KCNT2: variants seen among roughly 807,000 people sequenced by gnomAD.
KCNT2 encodes the protein potassium sodium-activated channel subfamily T member 2.
KCNT2 carries 67 observed loss-of-function variants against 153.8 expected under a neutral mutation model. That is an observed-to-expected ratio of 0.44 (90% CI 0.36 to 0.53). The LOEUF (loss-of-function observed/expected upper bound fraction) is 0.53, where lower values mean the gene tolerates loss of function less well. KCNT2 is among the 20% of genes least tolerant of loss of function. The pLI, the probability that KCNT2 is intolerant of heterozygous loss-of-function variation, is 0.00. For synonymous variants in KCNT2, 500 were observed against 458.8 expected (o/e 1.09, Z -1.15); for missense variants, 975 against 1,354.8 (o/e 0.72, Z 4.40).
rs141874873 is a variant in KCNT2, at chr1:196,389,822, C to T, written c.1294+8741G>A. On this transcript the variant is annotated intron_variant, in intron 13 of 27. Coordinates refer to ENST00000294725, the MANE Select transcript of KCNT2 (RefSeq NM_198503.5). Reference sequence around the variant, plus strand: ...TGATCTATTTAGAGTACCCTTTGCTCTGGGGCTAAGTCAGTCTTACTAGCA... The same window carrying T: ...TGATCTATTTAGAGTACCCTTTGCTTTGGGGCTAAGTCAGTCTTACTAGCA... Among the ~76,000 whole-genome samples the T allele has an allele frequency of 7.5e-3, 1,140 of 151,650 alleles. 5 individuals carry two copies. Among genetic ancestry groups the T allele is most frequent in the Middle Eastern group, 0.017 (5 of 294 alleles).
intron 1 of KCNT2, among the ~76,000 whole-genome samples, chr1:196,518,933 C>T (rs1419183539): frequency 1.1e-4 from 17 of 152,034 alleles, no homozygotes; most frequent in Admixed American, 1.1e-3. Flanking sequence ...AACATTGGAC[C>T]ATATGGGTAT....
chr1:196,564,358 A>G (rs1401417879), intron 1 of KCNT2, among the ~76,000 whole-genome samples: 1 of 151,952 alleles, frequency 6.6e-6, no homozygotes, highest in Non-Finnish European at 1.5e-5. Context: ...TGAAGAAACA[A>G]ATAAACAGAA....
At chr1:196,306,871 A>G (rs145343715) in intron 21 of KCNT2, among the ~76,000 whole-genome samples, 40 of 152,088 alleles carry the variant, frequency 2.6e-4, no homozygotes, top group African/African-American at 9.4e-4. Flanking sequence ...GAAATCTTTT[A>G]ATAAAATTCA....
intron 26 of KCNT2, among the ~76,000 whole-genome samples, chr1:196,255,857 T>A (rs1656439647): frequency 6.6e-6 from 1 of 150,506 alleles, no homozygotes; most frequent in South Asian, 2.1e-4. Context: ...CATGAGAATT[T>A]GTATGACTTG....
chr1:196,408,868 T>C (rs1672051576), intron 12 of KCNT2, among the ~76,000 whole-genome samples: 1 of 151,566 alleles, frequency 6.6e-6, no homozygotes, highest in Admixed American at 6.6e-5. Context: ...ATTCCATATG[T>C]CAATTAGATC....
At chr1:196,548,715 T>C (rs1411438807) in intron 1 of KCNT2, among the ~76,000 whole-genome samples, 1 of 152,082 alleles carries the variant, frequency 6.6e-6, no homozygotes, top group Non-Finnish European at 1.5e-5. Context: ...CGTATGTTTA[T>C]TGCAGCACTA....
intron 27 of KCNT2, among the ~76,000 whole-genome samples, chr1:196,232,042 T>G (rs1467473950): frequency 6.6e-6 from 1 of 151,756 alleles, no homozygotes; most frequent in African/African-American, 2.4e-5. Context: ...AAGGGAAAAA[T>G]TCACAAAATA....
chr1:196,227,016 C>G lies in KCNT2; in HGVS notation c.*1208G>C, dbSNP rs1269134812. The G allele has an allele frequency of 6.6e-6, 1 of 151,934 alleles. No individual in the cohort carries two copies. Among genetic ancestry groups the G allele is most frequent in the Non-Finnish European group, 1.5e-5 (1 of 67,850 alleles). The allele number at this position is 151,934 out of a possible 1,614,324, so 9.4% of individuals were successfully genotyped here. Reference sequence around the variant, plus strand: ...TGCAATACAGGTAAAAAATGAAAAACTGGATATCATCAATGGTCAATTTAT... The same window carrying G: ...TGCAATACAGGTAAAAAATGAAAAAGTGGATATCATCAATGGTCAATTTAT... On this transcript the variant is annotated 3_prime_UTR_variant, in exon 28 of 28. Coordinates refer to ENST00000294725, the MANE Select transcript of KCNT2 (RefSeq NM_198503.5).
At chr1:196,574,989 T>TA (rs1375604682) in intron 1 of KCNT2, among the ~76,000 whole-genome samples, 3 of 152,064 alleles carry the variant, frequency 2.0e-5, no homozygotes, top group African/African-American at 7.2e-5. Flanking sequence ...TATTATTTAG[T>TA]AATTTATATA....
chr1:196,413,402 T>A (rs1672494969), intron 12 of KCNT2, among the ~76,000 whole-genome samples: 1 of 151,694 alleles, frequency 6.6e-6, no homozygotes, highest in African/African-American at 2.4e-5. Flanking sequence ...AATGTTTGGA[T>A]CCTTTTTTTC....
intron 1 of KCNT2, among the ~76,000 whole-genome samples, chr1:196,549,373 A>G (rs1657590819): frequency 6.6e-6 from 1 of 151,886 alleles, no homozygotes; most frequent in Non-Finnish European, 1.5e-5. Context: ...CCCACACTAG[A>G]GAGTGAGAAG....
intron 8 of KCNT2, among the ~76,000 whole-genome samples, chr1:196,461,720 G>T (rs1224594364): frequency 2.0e-5 from 3 of 151,570 alleles, no homozygotes; most frequent in Non-Finnish European, 4.4e-5. Flanking sequence ...ATGAAGAGGG[G>T]TACACTGCCA....
Position 196,527,957 on chromosome 1 carries a change from A to C in KCNT2, c.96-35616T>G, listed in dbSNP as rs186283420. Among the ~76,000 whole-genome samples the C allele has an allele frequency of 4.1e-4, 62 of 152,280 alleles. No homozygotes were observed. In the Middle Eastern group the frequency reaches 0.02, roughly 50 times the overall value. ...AGCCTCAAATTGCTTTCAGTTAACT[A>C]TCTCTAATAAGCATTTTTGATAAAA... On this transcript the variant is annotated intron_variant, in intron 1 of 27. Transcript: ENST00000294725.
chr1:196,410,390 G>T (rs527958521), intron 12 of KCNT2, among the ~76,000 whole-genome samples: 1 of 151,174 alleles, frequency 6.6e-6, no homozygotes, highest in South Asian at 2.1e-4. Context: ...ACACAGGAAG[G>T]GGAACATCAC....
Position 196,407,291 on chromosome 1 carries a change from G to A in KCNT2, c.1186-8620C>T, listed in dbSNP as rs912341511. Among the ~76,000 whole-genome samples, 148 of 151,478 alleles carry A rather than the reference G, an allele frequency of 9.8e-4. 14 individuals carry two copies. Among genetic ancestry groups the A allele is most frequent in the East Asian group, 3.9e-4 (2 of 5,120 alleles). On this transcript the variant is annotated intron_variant, in intron 12 of 27. Coordinates refer to ENST00000294725, the MANE Select transcript of KCNT2 (RefSeq NM_198503.5). The stretch of plus-strand genomic sequence containing the variant: ...TGTCAAATGAATAGTAAAGTGATTC[G>A]TAAAGAGGTCAGGTTATCTTGACGG...
chr1:196,266,443 C>G (rs1300783496), intron 25 of KCNT2, among the ~76,000 whole-genome samples: 10 of 152,154 alleles, frequency 6.6e-5, no homozygotes, highest in Non-Finnish European at 1.3e-4. Flanking sequence ...GGCCTAAATA[C>G]TCCATGGTCA....
At chr1:196,298,267 C>T (rs928830848) in intron 22 of KCNT2, among the ~76,000 whole-genome samples, 6 of 152,204 alleles carry the variant, frequency 3.9e-5, no homozygotes, top group Non-Finnish European at 7.3e-5. Flanking sequence ...TCCCAGAAGA[C>T]TGCACCCAAT....
chr1:196,400,554 TAA>T (rs757401732), intron 12 of KCNT2, among the ~76,000 whole-genome samples: 5 of 151,732 alleles, frequency 3.3e-5, no homozygotes, highest in Non-Finnish European at 5.9e-5. Context: ...CGAAAAAACA[TAA>T]GTTGTTTTTC....
At chr1:196,410,895 TTTTC>T (rs1672242619) in intron 12 of KCNT2, among the ~76,000 whole-genome samples, 1 of 151,594 alleles carries the variant, frequency 6.6e-6, no homozygotes, top group African/African-American at 2.4e-5. Context: ...CTTCTCTTTC[TTTTC>T]TTTCTTTTCC....
Sources: gnomAD v4.1 joint callset for allele counts (sites outside exome capture counted in the v4.1 genomes callset) on GRCh38, gnomAD v4.1.1 for gene constraint, MANE v1.5 for transcripts, NCBI Gene and HGNC (gene_info 2026-07-23, HGNC 2026-07-21) for gene names.